The following GRIK1 variants were observed in gnomAD, a reference collection of about 807,000 sequenced individuals.
The protein encoded by GRIK1 is glutamate receptor ionotropic, kainate 1.
A neutral mutation model predicts 105.7 loss-of-function variants in GRIK1; 69 were observed. That is an observed-to-expected ratio of 0.65 (90% confidence interval 0.54 to 0.80). The LOEUF (loss-of-function observed/expected upper bound fraction) is 0.80, where lower values mean the gene tolerates loss of function less well. Among genes scored for constraint, GRIK1 ranks in the 30% least tolerant of loss-of-function variants. The pLI, the probability that GRIK1 is intolerant of heterozygous loss-of-function variation, is 0.00. For missense variants in GRIK1, 1,109 were observed against 1,167.3 expected (o/e 0.95, Z 0.73); for synonymous variants, 438 against 431.3 (o/e 1.02, Z -0.19).
chr21:29,554,886 A>G (rs949871706), intron 16 of GRIK1, among the ~76,000 whole-genome samples, 166 bp downstream of exon 16: 1 of 152,164 alleles, frequency 6.6e-6, no homozygotes. Flanking sequence ...TGCAGTGCCC[A>G]CAGCACCTGG....
At chr21:29,837,442 T>C (rs2067838770) in intron 1 of GRIK1, among the ~76,000 whole-genome samples, 3 of 152,166 alleles carry the variant, frequency 2.0e-5, no homozygotes, top group Admixed American at 1.3e-4. Context: ...TCATTGTGAA[T>C]ATAATAAATA....
chr21:29,718,599 T>C (rs2146846246), intron 1 of GRIK1, among the ~76,000 whole-genome samples: 1 of 152,356 alleles, frequency 6.6e-6, no homozygotes, highest in South Asian at 2.1e-4. Flanking sequence ...AGAGATGTCA[T>C]AGGCCTTGCA....
At chr21:29,616,173 T>C (rs1001822319) in intron 7 of GRIK1, among the ~76,000 whole-genome samples, 2 of 152,214 alleles carry the variant, frequency 1.3e-5, no homozygotes, top group Non-Finnish European at 2.9e-5. Context: ...CTGTAGTGCT[T>C]AGAGACTCTT....
chr21:29,887,564 C>G (rs1454531508), intron 1 of GRIK1, among the ~76,000 whole-genome samples: 1 of 152,148 alleles, frequency 6.6e-6, no homozygotes. Flanking sequence ...TAACAACATA[C>G]ATAACCACCA....
chr21:29,647,951 C>A (rs1164060056), intron 6 of GRIK1, among the ~76,000 whole-genome samples: 1 of 151,854 alleles, frequency 6.6e-6, no homozygotes, highest in African/African-American at 2.4e-5. Flanking sequence ...AAATTTTTTT[C>A]TTTAATTAAT....
At position 29,693,938 on chromosome 21, in the gene GRIK1, G is replaced by T; in HGVS notation, c.244C>A (p.Gln82Lys). ...AAACTATCAAAAAGGTTAATTCTCT[G>T]GATGTCATAGGTTAATGTGGTGTTA... is the stretch of plus-strand genomic sequence containing the variant. ...MPNTTLTYDI[Q>K]RINLFDSFEA... Residue 82 changes from glutamine (Q) to lysine (K), a missense_variant, in exon 2 of 18, where the codon CAG becomes AAG. By Grantham distance (53) the Gln-to-Lys change is moderately conservative. This residue lies in a region of GRIK1 where 612 missense variants were observed against 586.0 expected (regional missense o/e 1.04). Transcript: ENST00000327783. 6.2e-7 allele frequency: 1 copy of T among 1,613,220 alleles called. No homozygotes were observed. Among genetic ancestry groups the T allele is most frequent in the Non-Finnish European group, 8.5e-7 (1 of 1,179,276 alleles).
At chr21:29,728,839 T>G (rs544336529) in intron 1 of GRIK1, among the ~76,000 whole-genome samples, 1 of 152,140 alleles carries the variant, frequency 6.6e-6, no homozygotes, top group African/African-American at 2.4e-5. Context: ...TGGCAGCTGG[T>G]AACAAGAAAT....
intron 14 of GRIK1, among the ~76,000 whole-genome samples, chr21:29,572,988 G>GC (rs2090790021): frequency 6.6e-6 from 1 of 152,112 alleles, no homozygotes; most frequent in Non-Finnish European, 1.5e-5. Context: ...GGTCAGGCTG[G>GC]TCTTGAACTC....
intron 1 of GRIK1, among the ~76,000 whole-genome samples, chr21:29,892,138 G>T (rs148155438): frequency 1.3e-5 from 2 of 152,154 alleles, no homozygotes; most frequent in Admixed American, 1.3e-4. Context: ...TTTCCATTAG[G>T]CAATGAGAGT....
chr21:29,667,721 C>G (rs2063088493), intron 4 of GRIK1, among the ~76,000 whole-genome samples: 1 of 152,118 alleles, frequency 6.6e-6, no homozygotes, highest in African/African-American at 2.4e-5. Context: ...TTGGCCCAGC[C>G]CCCAGGGAGC....
chr21:29,589,426 T>C (rs1417431259), intron 10 of GRIK1, among the ~76,000 whole-genome samples: 4 of 99,940 alleles, frequency 4.0e-5, no homozygotes, highest in Non-Finnish European at 6.2e-5. Context: ...CCTTCTGGCT[T>C]TTTTTTTTTT....
At chr21:29,554,967 A>G in intron 16 of GRIK1, 85 bp downstream of exon 16, 1 of 1,175,064 alleles carries the variant, frequency 8.5e-7, no homozygotes, top group African/African-American at 1.5e-5. Flanking sequence ...TAGACTGAAA[A>G]AGAGCAAACA....
intron 8 of GRIK1, 139 bp downstream of exon 8, chr21:29,598,689 GAA>G: frequency 5.7e-6 from 3 of 529,046 alleles, no homozygotes; most frequent in East Asian, 3.1e-5. Flanking sequence ...GCAGAAAAAA[GAA>G]AGAGAGATAA....
chr21:29,766,117 G>A (rs1254991289), intron 1 of GRIK1, among the ~76,000 whole-genome samples: 2 of 152,014 alleles, frequency 1.3e-5, no homozygotes, highest in South Asian at 2.1e-4. Context: ...CAAAAGTGCT[G>A]GGATTACAGG....
At chr21:29,577,219 G>T in intron 13 of GRIK1, 38 bp from the exon 14 acceptor site, 1 of 1,158,524 alleles carries the variant, frequency 8.6e-7, no homozygotes, top group Non-Finnish European at 1.3e-6. Flanking sequence ...GTTAAACACA[G>T]TCAGAAGGAA....
At chr21:29,561,969 G>A in intron 14 of GRIK1, 120 bp from the exon 15 acceptor site, 1 of 655,966 alleles carries the variant, frequency 1.5e-6, no homozygotes, top group South Asian at 1.8e-5. Flanking sequence ...ACAGGTGGGG[G>A]AGTCAAGATT....
chr21:29,783,167 A>C (rs1037229909), intron 1 of GRIK1, among the ~76,000 whole-genome samples: 2 of 152,164 alleles, frequency 1.3e-5, no homozygotes, highest in Non-Finnish European at 2.9e-5. Flanking sequence ...AAATATTTAA[A>C]ATATACAGTA....
intron 4 of GRIK1, among the ~76,000 whole-genome samples, chr21:29,672,140 C>A (rs1218396912): frequency 6.6e-6 from 1 of 151,282 alleles, no homozygotes; most frequent in African/African-American, 2.4e-5. Context: ...TCACTGCAAC[C>A]TCTGCCTCCT....
Position 29,537,213 on chromosome 21 carries a change from A to G in GRIK1, c.*17T>C. The G allele has an allele frequency of 6.4e-7, 1 of 1,563,700 alleles. No individual in the cohort carries two copies. Among genetic ancestry groups the G allele is most frequent in the South Asian group, 1.2e-5 (1 of 81,916 alleles). ...TAGGGAATGCATCCTTTTTCTTCCT[A>G]CAGGCGTTTCCTTGGATCACGCCAC... is the stretch of plus-strand genomic sequence containing the variant. On this transcript the variant is annotated 3_prime_UTR_variant, in exon 18 of 18. Coordinates refer to ENST00000327783, the MANE Select transcript of GRIK1 (RefSeq NM_001330994.2).
Sources: gnomAD v4.1 joint callset for allele counts (sites outside exome capture counted in the v4.1 genomes callset) on GRCh38, gnomAD v4.1.1 for gene constraint, gnomAD v4.1.1 regional missense constraint, MANE v1.5 for transcripts, NCBI Gene and HGNC (gene_info 2026-07-23, HGNC 2026-07-21) for gene names.